The following ITGB5 variants were observed in gnomAD, a reference collection of about 807,000 sequenced individuals.
The protein encoded by ITGB5 is integrin subunit beta 5.
ITGB5 carries 38 observed loss-of-function variants against 84.8 expected under a neutral mutation model. The observed-to-expected ratio is 0.45, with a 90% CI of 0.35 to 0.59. The LOEUF (loss-of-function observed/expected upper bound fraction) is 0.59, where lower values mean the gene tolerates loss of function less well. Among genes scored for constraint, ITGB5 ranks in the 20% least tolerant of loss-of-function variants. The probability of loss-of-function intolerance (pLI) is 0.01; values close to 1 mark genes in which losing one functional copy is unlikely to be tolerated. For synonymous variants in ITGB5, 393 were observed against 414.4 expected (o/e 0.95, Z 0.63); for missense variants, 905 against 1,034.5 (o/e 0.87, Z 1.72).
chr3:124,875,207 G>GTGTAATACTAGCCAATACAGGTGTAA (rs1559982581), intron 1 of ITGB5, among the ~76,000 whole-genome samples: 1 of 152,170 alleles, frequency 6.6e-6, no homozygotes, highest in Non-Finnish European at 1.5e-5. Flanking sequence ...GCCAGGCACC[G>GTGTAATACTAGCCAATACAGGTGTAA]TGGCTCGCAC....
intron 8 of ITGB5, among the ~76,000 whole-genome samples, chr3:124,810,777 A>G (rs2064486923): frequency 1.3e-5 from 2 of 152,126 alleles, no homozygotes; most frequent in South Asian, 2.1e-4. Flanking sequence ...AGCATGATGT[A>G]CCCATATGAG....
chr3:124,782,375 G>A (rs2619328), intron 10 of ITGB5, among the ~76,000 whole-genome samples: 70,499 of 151,994 alleles, frequency 0.46, 17,738 homozygotes, highest in African/African-American at 0.65. Flanking sequence ...CATGGCCAAC[G>A]GAGTCCACTA....
rs1324651400 is a variant in ITGB5, at chr3:124,875,652, G to A, written c.71-2121C>T. Among the ~76,000 whole-genome samples, 13 of 152,196 alleles carry A rather than the reference G, an allele frequency of 8.5e-5. No individual in the cohort carries two copies. In the East Asian group the frequency reaches 2.1e-3, roughly 25 times the overall value. Reference sequence around the variant, plus strand: ...TGTGTTCCAGCAATTCCACTTCGGGGTATATAGTCAAAGAAAATGAAATCA... The same window carrying A: ...TGTGTTCCAGCAATTCCACTTCGGGATATATAGTCAAAGAAAATGAAATCA... On this transcript the variant is annotated intron_variant, in intron 1 of 14. Transcript: ENST00000296181.
chr3:124,852,956 G>A (rs1216186056), intron 3 of ITGB5, among the ~76,000 whole-genome samples: 4 of 151,868 alleles, frequency 2.6e-5, no homozygotes, highest in Non-Finnish European at 5.9e-5. Flanking sequence ...CAAAGTGCTG[G>A]GATTATAGGT....
At chr3:124,866,829 C>G (rs1024772390) in intron 2 of ITGB5, among the ~76,000 whole-genome samples, 1 of 152,178 alleles carries the variant, frequency 6.6e-6, no homozygotes, top group African/African-American at 2.4e-5. Flanking sequence ...CACACTGCCA[C>G]GTATACTCCC....
In ITGB5 at chr3:124,848,465, T is replaced by C. The variant is rs745998067; in HGVS notation, c.455A>G (p.Asp152Gly). The C allele has an allele frequency of 3.1e-5, 50 of 1,614,046 alleles. No homozygotes were observed. Among genetic ancestry groups the C allele is most frequent in the Non-Finnish European group, 4.1e-5 (48 of 1,180,036 alleles). The change falls in exon 4 of 15, where the codon GAT (aspartate) becomes GGT (glycine). Residue 152 changes from aspartate to glycine, a missense_variant. Asp to Gly is a moderately conservative substitution (Grantham distance 94, BLOSUM62 -1). Coordinates refer to ENST00000296181, the MANE Select transcript of ITGB5 (RefSeq NM_002213.5). ...CAGGCTCCGGATATTGTCCAAGTCA[T>C]CCTTCATGGACAGGGAGAGGTCCAT... ...YLMDLSLSMK[D>G]DLDNIRSLGT...
chr3:124,806,227 T>C (rs992595576), intron 9 of ITGB5, among the ~76,000 whole-genome samples: 5 of 152,182 alleles, frequency 3.3e-5, no homozygotes, highest in African/African-American at 7.2e-5. Context: ...ACCTGGCGTA[T>C]GCTAGATTAG....
chr3:124,771,257 C>T (rs1274671558), intron 11 of ITGB5, among the ~76,000 whole-genome samples: 2 of 152,016 alleles, frequency 1.3e-5, no homozygotes, highest in Non-Finnish European at 2.9e-5. Context: ...ATCCAGAAAA[C>T]GAAGACTGGC....
chr3:124,764,542 G>C lies in ITGB5; in HGVS notation c.2153C>G (p.Pro718Arg), dbSNP rs367764630. Residue 718 changes from proline (P) to arginine (R), a missense_variant, in exon 14 of 15, where the codon CCC becomes CGC. Around this residue, in one of 3 missense-constraint regions of ITGB5, gnomAD observed 133 missense variants for 122.8 expected, o/e 1.08. Transcript: ENST00000296181. ...VLREPECGNT[P>R]NAMTILLAVV... ...AGCCAGGAGGATGGTCATGGCGTTGGGGGTGTTTCCACACTCTGGGGGGAC... is the reference window on the plus strand; with the variant it reads ...AGCCAGGAGGATGGTCATGGCGTTGCGGGTGTTTCCACACTCTGGGGGGAC... The C allele has an allele frequency of 3.0e-5, 48 of 1,612,306 alleles. 1 individual carries two copies. Among genetic ancestry groups the C allele is most frequent in the Non-Finnish European group, 4.0e-5 (47 of 1,178,582 alleles).
At chr3:124,769,316 T>G (rs960011897) in intron 11 of ITGB5, 6 of 549,936 alleles carry the variant, frequency 1.1e-5, no homozygotes, top group African/African-American at 9.5e-5. Context: ...CCTGTGTGAG[T>G]TTAGTGGCAT....
At chr3:124,825,613 A>G (rs1384307297) in intron 5 of ITGB5, among the ~76,000 whole-genome samples, 1 of 152,220 alleles carries the variant, frequency 6.6e-6, no homozygotes, top group Admixed American at 6.5e-5. Flanking sequence ...TTCCATTCAT[A>G]TGGTATCCAG....
chr3:124,817,384 A>T (rs576919367), intron 8 of ITGB5, among the ~76,000 whole-genome samples: 2 of 152,338 alleles, frequency 1.3e-5, no homozygotes, highest in South Asian at 4.1e-4. Context: ...GCTCACTGAG[A>T]TCTGCAGATG....
intron 2 of ITGB5, among the ~76,000 whole-genome samples, chr3:124,869,695 G>A (rs1215306790): frequency 6.6e-6 from 1 of 152,186 alleles, no homozygotes; most frequent in Non-Finnish European, 1.5e-5. Flanking sequence ...TCCAGGGCAG[G>A]GATCATAGGA....
At chr3:124,900,601 A>T (rs149093746) in intron 1 of ITGB5, among the ~76,000 whole-genome samples, 2 of 152,110 alleles carry the variant, frequency 1.3e-5, no homozygotes, top group African/African-American at 4.8e-5. Context: ...CCTGAGACTG[A>T]GAAGAACACC....
intron 1 of ITGB5, among the ~76,000 whole-genome samples, chr3:124,885,232 T>G (rs1410050019): frequency 6.6e-6 from 1 of 151,928 alleles, no homozygotes; most frequent in Admixed American, 6.6e-5. Context: ...ATGGCACCAC[T>G]GCACTCCAGC....
intron 10 of ITGB5, among the ~76,000 whole-genome samples, chr3:124,794,458 C>A (rs1339012309): frequency 6.6e-6 from 1 of 152,102 alleles, no homozygotes; most frequent in Non-Finnish European, 1.5e-5. Context: ...TAAAAACCAG[C>A]TCAAGAGTAT....
chr3:124,775,255 T>C (rs766573429), intron 10 of ITGB5, among the ~76,000 whole-genome samples: 2 of 151,948 alleles, frequency 1.3e-5, no homozygotes, highest in Non-Finnish European at 2.9e-5. Flanking sequence ...CAAGTGTGTG[T>C]GAGGAAGTAT....
intron 5 of ITGB5, among the ~76,000 whole-genome samples, chr3:124,827,500 C>A (rs559872998): frequency 1.3e-5 from 2 of 152,142 alleles, no homozygotes; most frequent in African/African-American, 4.8e-5. Flanking sequence ...AATTTAAAAG[C>A]CTTGTATTAA....
chr3:124,864,701 T>C (rs867553965), intron 2 of ITGB5, among the ~76,000 whole-genome samples: 4 of 151,850 alleles, frequency 2.6e-5, no homozygotes, highest in Middle Eastern at 3.4e-3. Context: ...AATATACCCA[T>C]ATAACAAACC....
Sources: gnomAD v4.1 joint callset for allele counts (sites outside exome capture counted in the v4.1 genomes callset) on GRCh38, gnomAD v4.1.1 for gene constraint, gnomAD v4.1.1 regional missense constraint, MANE v1.5 for transcripts, NCBI Gene and HGNC (gene_info 2026-07-23, HGNC 2026-07-21) for gene names.